ZWILCH: variants seen among roughly 807,000 people sequenced by gnomAD.
ZWILCH encodes zwilch kinetochore protein.
In ZWILCH, 74 loss-of-function variants were observed where a neutral mutation model predicts 79.9. The ratio of observed to expected loss-of-function variants is 0.93; its 90% CI spans 0.77 to 1.12. The LOEUF is 1.12. ZWILCH is among the 50% of genes most tolerant of loss of function. The probability of loss-of-function intolerance (pLI) is 0.00; values close to 1 mark genes in which losing one functional copy is unlikely to be tolerated. For missense variants in ZWILCH, 694 were observed against 687.5 expected (o/e 1.01, Z -0.11); for synonymous variants, 241 against 228.2 (o/e 1.06, Z -0.51).
At chr15:66,515,673 T>G in intron 4 of ZWILCH, 29 bp downstream of exon 4, 1 of 1,437,418 alleles carries the variant, frequency 7.0e-7, no homozygotes, top group South Asian at 1.2e-5. Flanking sequence ...TGAGTAGGGG[T>G]GGCAACTAGG....
intron 1 of ZWILCH, among the ~76,000 whole-genome samples, chr15:66,507,925 C>T (rs146456996): frequency 4.2e-4 from 59 of 139,592 alleles, no homozygotes; most frequent in Middle Eastern, 7.9e-3. Context: ...GGCCACAGAG[C>T]GAGACTGCAT....
chr15:66,509,077 C>CTACA (rs1016895118), intron 2 of ZWILCH, among the ~76,000 whole-genome samples, 185 bp downstream of exon 2: 1 of 152,118 alleles, frequency 6.6e-6, no homozygotes, highest in Non-Finnish European at 1.5e-5. Flanking sequence ...GTAGCTGGAA[C>CTACA]TACAGGTGCC....
At chr15:66,522,009 C>T (rs904136294) in intron 7 of ZWILCH, among the ~76,000 whole-genome samples, 3 of 151,970 alleles carry the variant, frequency 2.0e-5, no homozygotes, top group South Asian at 2.1e-4. Context: ...ACCAGCCTGA[C>T]GAATATGGTG....
In ZWILCH at chr15:66,521,184, A is replaced by T; in HGVS notation, c.726A>T (p.Pro242=). The T allele has an allele frequency of 6.2e-7, 1 of 1,612,006 alleles. No homozygotes were observed. The highest frequency in any genetic ancestry group is 2.2e-5 in the East Asian group (1 of 44,866). ...SPVDEILQIP[P]LSSTATLNIK... ...TGGATGAGATTCTTCAAATCCCTCC[A>T]CTCTCTTCAACTGCAACTCTGGTAA... The change falls in exon 7 of 19, where the codon CCA becomes CCT. Residue 242 remains proline (P), a synonymous_variant. Coordinates refer to ENST00000307897, the MANE Select transcript of ZWILCH (RefSeq NM_017975.5).
chr15:66,514,787 A>G (rs1398523026), intron 3 of ZWILCH, among the ~76,000 whole-genome samples: 2 of 152,222 alleles, frequency 1.3e-5, no homozygotes, highest in Non-Finnish European at 2.9e-5. Context: ...AGTACCCACT[A>G]ACACCAATCA....
rs373537835 is a variant in ZWILCH at position 66,521,134 on chromosome 15, G to A, written c.676G>A (p.Ala226Thr). 7.4e-6 allele frequency: 12 copies of A among 1,613,908 alleles called. No individual in the cohort carries two copies. Among genetic ancestry groups the A allele is most frequent in the Admixed American group, 1.7e-5 (1 of 59,992 alleles). The change falls in exon 7 of 19, where the codon GCT becomes ACT. Residue 226 changes from alanine (A) to threonine (T), a missense_variant. Coordinates refer to ENST00000307897, the MANE Select transcript of ZWILCH (RefSeq NM_017975.5). ...AATCACAGCATCACAAACTGCGATC[G>A]CTTTGGATATTTCCTGGAGTCCTGT... is the stretch of plus-strand genomic sequence containing the variant. ...DTITASQTAI[A>T]LDISWSPVDE...
intron 9 of ZWILCH, 110 bp downstream of exon 9, chr15:66,527,493 A>T (rs1894712585): frequency 3.4e-6 from 3 of 885,196 alleles, no homozygotes; most frequent in Admixed American, 4.4e-5. Context: ...AAGCTATGAG[A>T]TCTGTTATGG....
intron 3 of ZWILCH, chr15:66,514,589 GTGAGCCACCA>G (rs1309859514): frequency 1.3e-5 from 2 of 153,398 alleles, no homozygotes; most frequent in Non-Finnish European, 2.9e-5. Flanking sequence ...GATTACAGGG[GTGAGCCACCA>G]CGCCCTGCTG....
chr15:66,527,257 A>G (rs768737094), intron 8 of ZWILCH, 33 bp from the exon 9 acceptor site: 6 of 1,495,030 alleles, frequency 4.0e-6, no homozygotes, highest in Non-Finnish European at 5.6e-6. Flanking sequence ...GTTTTCTGCT[A>G]ACAAGTTTTT....
Position 66,546,588 on chromosome 15 carries a change from C to A in ZWILCH, c.1688-3C>A. On this transcript the variant is annotated splice_polypyrimidine_tract_variant and splice_region_variant and intron_variant, in intron 17 of 18. Transcript: ENST00000307897. ...TCTGATCTCACTCTCTTTTTGATTA[C>A]AGATTTTTCGGAATTAACACTAAAC... The A allele has an allele frequency of 6.3e-7, 1 of 1,599,748 alleles. No individual in the cohort carries two copies. Among genetic ancestry groups the A allele is most frequent in the Non-Finnish European group, 8.5e-7 (1 of 1,172,520 alleles).
At chr15:66,532,492 C>A in intron 13 of ZWILCH, 89 bp downstream of exon 13, 1 of 1,235,298 alleles carries the variant, frequency 8.1e-7, no homozygotes. Context: ...CTGCTTGTCC[C>A]TCATCGTCTG....
At chr15:66,517,430 G>GTGTGTGTGTGTGTA in intron 4 of ZWILCH, among the ~76,000 whole-genome samples, 23 of 66,516 alleles carry the variant, frequency 3.5e-4, no homozygotes, top group African/African-American at 1.4e-3. Context: ...GTGTGTGTGT[G>GTGTGTGTGTGTGTA]TATATATATA....
chr15:66,515,840 C>G (rs1894231045), intron 4 of ZWILCH, among the ~76,000 whole-genome samples, 196 bp downstream of exon 4: 1 of 152,154 alleles, frequency 6.6e-6, no homozygotes, highest in Admixed American at 6.5e-5. Context: ...GAATACTGCA[C>G]TTATCTTCCC....
At chr15:66,516,878 TC>T (rs1430553708) in intron 4 of ZWILCH, among the ~76,000 whole-genome samples, 5 of 152,196 alleles carry the variant, frequency 3.3e-5, no homozygotes, top group Non-Finnish European at 7.3e-5. Context: ...GCCTGTTTTC[TC>T]CCTACGACTT....
intron 8 of ZWILCH, among the ~76,000 whole-genome samples, chr15:66,527,037 A>G (rs1894697965): frequency 6.6e-6 from 1 of 152,102 alleles, no homozygotes; most frequent in Admixed American, 6.5e-5. Context: ...ACTATCAGTT[A>G]CTAATTGTGT....
At chr15:66,511,494 CA>C (rs368695686) in intron 2 of ZWILCH, among the ~76,000 whole-genome samples, 2,020 of 86,252 alleles carry the variant, frequency 0.023, 21 homozygotes, top group African/African-American at 0.082. Context: ...GCCTGTCTTC[CA>C]AAAAAAAAAA....
intron 4 of ZWILCH, 28 bp from the exon 5 acceptor site, chr15:66,518,845 CTATCTA>C (rs760442372): frequency 3.8e-6 from 6 of 1,572,988 alleles, no homozygotes; most frequent in Middle Eastern, 3.4e-4. Flanking sequence ...TTGGAAATCT[CTATCTA>C]TAATTTGTCC....
chr15:66,508,827 G>T lies in ZWILCH; in HGVS notation c.54-14G>T. 1 of 1,613,964 alleles carries T rather than the reference G, an allele frequency of 6.2e-7. No homozygotes were observed. Among genetic ancestry groups the T allele is most frequent in the South Asian group, 1.1e-5 (1 of 91,058 alleles). On this transcript the variant is annotated splice_polypyrimidine_tract_variant and intron_variant, in intron 1 of 18. Coordinates refer to ENST00000307897, the MANE Select transcript of ZWILCH (RefSeq NM_017975.5). ...AATGTAGTTCTGTTTTTCACATGTG[G>T]TTCTGCGTTTCAGGAAATTTAATGA...
At chr15:66,523,130 ATTATATTCT>A (rs1218864456) in intron 7 of ZWILCH, among the ~76,000 whole-genome samples, 1 of 152,170 alleles carries the variant, frequency 6.6e-6, no homozygotes, top group Non-Finnish European at 1.5e-5. Context: ...GACATGGATA[ATTATATTCT>A]TTATACTTTT....
Sources: allele counts gnomAD v4.1 joint callset (sites outside exome capture counted in the v4.1 genomes callset), GRCh38; gene constraint gnomAD v4.1.1; transcripts MANE v1.5; gene names NCBI Gene and HGNC (gene_info 2026-07-23, HGNC 2026-07-21).